Variants in CPVL observed in about 807,000 individuals in gnomAD.
CPVL encodes the protein probable serine carboxypeptidase CPVL.
A neutral mutation model predicts 63.7 loss-of-function variants in CPVL; 51 were observed. That is an observed-to-expected ratio of 0.80 (90% CI 0.64 to 1.01). CPVL has a LOEUF of 1.01. CPVL is among the 50% of genes least tolerant of loss of function. The pLI is 0.00. For synonymous variants in CPVL, 195 were observed against 206.0 expected, an observed-to-expected ratio of 0.95 and a Z score of 0.46; for missense variants, 530 against 573.1, an observed-to-expected ratio of 0.92 and a Z score of 0.77.
At chr7:29,072,112 C>A (rs1783804394) in intron 8 of CPVL, among the ~76,000 whole-genome samples, 189 bp downstream of exon 8, 1 of 152,136 alleles carries the variant, frequency 6.6e-6, no homozygotes, top group South Asian at 2.1e-4. Context: ...TTTGCACTGA[C>A]AGCCAATGTA....
At chr7:29,077,396 G>A (rs1784338008) in intron 7 of CPVL, among the ~76,000 whole-genome samples, 1 of 152,142 alleles carries the variant, frequency 6.6e-6, no homozygotes, top group Admixed American at 6.5e-5. Flanking sequence ...CAGTGATAAT[G>A]AGCAATGGCT....
At chr7:29,142,235 C>G (rs1384731481) in intron 1 of CPVL, among the ~76,000 whole-genome samples, 2 of 152,156 alleles carry the variant, frequency 1.3e-5, no homozygotes, top group Non-Finnish European at 2.9e-5. Context: ...ACTAACAGAT[C>G]ATTGAACACC....
At chr7:29,149,064 G>T (rs909471672), upstream of CPVL, among the ~76,000 whole-genome samples, 40 of 152,260 alleles carry the variant, frequency 2.6e-4, no homozygotes, top group African/African-American at 9.1e-4. Flanking sequence ...CGTGTTCAGG[G>T]TGGGTCGGGG....
chr7:29,002,773 G>C (rs1784769514), intron 12 of CPVL, among the ~76,000 whole-genome samples: 1 of 150,488 alleles, frequency 6.6e-6, no homozygotes, highest in South Asian at 2.1e-4. Context: ...TTTAGCAATA[G>C]ATTAGGCATG....
chr7:29,121,836 A>G (rs962508979), intron 1 of CPVL, among the ~76,000 whole-genome samples: 44 of 152,296 alleles, frequency 2.9e-4, no homozygotes, highest in African/African-American at 1.0e-3. Flanking sequence ...AAGAACAACA[A>G]CAACAAAAAC....
chr7:29,090,715 G>A (rs1029097070), intron 6 of CPVL, among the ~76,000 whole-genome samples: 1 of 152,194 alleles, frequency 6.6e-6, no homozygotes, highest in Non-Finnish European at 1.5e-5. Context: ...AAACCAGAGA[G>A]GCATTGTGAC....
chr7:29,163,291 T>C (rs1028010362), intron 5 of CPVL, among the ~76,000 whole-genome samples: 1 of 152,158 alleles, frequency 6.6e-6, no homozygotes, highest in Non-Finnish European at 1.5e-5. Flanking sequence ...TGAAAAACAT[T>C]GTAAAATACT....
chr7:29,169,771 G>A (rs1453978858), intron 5 of CPVL, among the ~76,000 whole-genome samples: 1 of 152,000 alleles, frequency 6.6e-6, no homozygotes, highest in African/African-American at 2.4e-5. Flanking sequence ...GAGCTGGTGT[G>A]CCTATAGACC....
chr7:29,023,002 G>A (rs900231786), intron 12 of CPVL, among the ~76,000 whole-genome samples: 5 of 152,240 alleles, frequency 3.3e-5, no homozygotes, highest in African/African-American at 1.2e-4. Flanking sequence ...ACCTGTATAT[G>A]TACCACCTTG....
chr7:29,121,495 G>A (rs1789366007), intron 1 of CPVL, among the ~76,000 whole-genome samples: 1 of 152,120 alleles, frequency 6.6e-6, no homozygotes, highest in South Asian at 2.1e-4. Context: ...AAATTCAATG[G>A]AGGATTAGAT....
At chr7:29,194,905 G>C in intron 1 of CPVL, 1 of 1,510,632 alleles carries the variant, frequency 6.6e-7, no homozygotes, top group South Asian at 1.3e-5. Context: ...CGTCCGCACC[G>C]GGGCTGAGCG....
At chr7:29,023,290 C>T (rs1275423998) in intron 12 of CPVL, among the ~76,000 whole-genome samples, 1 of 152,152 alleles carries the variant, frequency 6.6e-6, no homozygotes, top group Non-Finnish European at 1.5e-5. Context: ...GGGGGGCTCA[C>T]AAACATGATG....
intron 12 of CPVL, among the ~76,000 whole-genome samples, chr7:29,008,071 G>C (rs1785382078): frequency 6.6e-6 from 1 of 152,154 alleles, no homozygotes; most frequent in Non-Finnish European, 1.5e-5. Flanking sequence ...TACCAAGATT[G>C]CCAAGAATGA....
At chr7:29,015,825 T>C (rs1242712019) in intron 12 of CPVL, among the ~76,000 whole-genome samples, 1 of 152,182 alleles carries the variant, frequency 6.6e-6, no homozygotes. Flanking sequence ...TCTCAGATAC[T>C]ATTACTGTTC....
At chr7:29,172,438 A>T (rs934860815) in intron 5 of CPVL, among the ~76,000 whole-genome samples, 3 of 152,192 alleles carry the variant, frequency 2.0e-5, no homozygotes, top group Non-Finnish European at 4.4e-5. Flanking sequence ...TGTCTCATCT[A>T]TCATCATATT....
intron 10 of CPVL, among the ~76,000 whole-genome samples, chr7:29,065,752 G>C (rs1289452752): frequency 6.6e-6 from 1 of 152,084 alleles, no homozygotes; most frequent in Non-Finnish European, 1.5e-5. Flanking sequence ...TCACAAAAGT[G>C]CCTCTATAAC....
intron 9 of CPVL, 110 bp downstream of exon 9, chr7:29,071,663 T>C (rs950309551): frequency 9.7e-6 from 12 of 1,231,654 alleles, no homozygotes; most frequent in South Asian, 4.4e-5. Flanking sequence ...ATAACAGATA[T>C]ACCTTCTTAA....
intron 7 of CPVL, among the ~76,000 whole-genome samples, chr7:29,084,943 T>A (rs1392479483): frequency 6.6e-6 from 1 of 152,184 alleles, no homozygotes; most frequent in Non-Finnish European, 1.5e-5. Context: ...GGAAACACAC[T>A]GATGCCATTA....
At chr7:29,089,363 A>T (rs1785536637) in intron 6 of CPVL, among the ~76,000 whole-genome samples, 1 of 152,190 alleles carries the variant, frequency 6.6e-6, no homozygotes, top group Non-Finnish European at 1.5e-5. Flanking sequence ...AATCATAAAC[A>T]CAAGCAACAT....
Sources: allele counts gnomAD v4.1 joint callset (sites outside exome capture counted in the v4.1 genomes callset), GRCh38; gene constraint gnomAD v4.1.1; transcripts MANE v1.5; gene names NCBI Gene and HGNC (gene_info 2026-07-23, HGNC 2026-07-21).